Variants in DNAH8 observed in about 807,000 individuals in gnomAD.
DNAH8 encodes axonemal beta dynein heavy chain 8.
DNAH8 carries 382 observed loss-of-function variants against 562.1 expected under a neutral mutation model. The ratio of observed to expected loss-of-function variants is 0.68; its 90% CI spans 0.63 to 0.74. The LOEUF is 0.74. Among genes scored for constraint, DNAH8 ranks in the 30% least tolerant of loss-of-function variants. DNAH8 has a pLI of 0.00. For synonymous variants in DNAH8, 1,881 were observed against 1,919.4 expected, an observed-to-expected ratio of 0.98 and a Z score of 0.52; for missense variants, 5,203 against 5,620.4, an observed-to-expected ratio of 0.93 and a Z score of 2.37.
rs1194079435 is a variant in DNAH8, at chr6:38,722,829, A to C, written c.20A>C (p.Asp7Ala). 5 of 1,596,142 alleles carry C rather than the reference A, an allele frequency of 3.1e-6. No individual in the cohort carries two copies. Among genetic ancestry groups the C allele is most frequent in the Middle Eastern group, 1.7e-4 (1 of 5,928 alleles). Residue 7 changes from aspartate to alanine, a missense_variant, in exon 2 of 93, where the codon GAT (aspartate) becomes GCT (alanine). Physicochemically the swap from Asp to Ala is moderately radical, Grantham distance 126. Transcript: ENST00000327475. ...CGGGGGATGGAGAAGGATGCTGAAGATGGCGCCCCTTCTGAGGGAGCAGAG... is the reference window on the plus strand; with the variant it reads ...CGGGGGATGGAGAAGGATGCTGAAGCTGGCGCCCCTTCTGAGGGAGCAGAG... MEKDAEDGAPSEGAEAP... is the reference protein window; with the variant it reads MEKDAEAGAPSEGAEAP...
chr6:38,876,359 GC>G (rs11334555), intron 53 of DNAH8, among the ~76,000 whole-genome samples: 65,913 of 152,014 alleles, frequency 0.43, 15,215 homozygotes, highest in East Asian at 0.84. Context: ...CAGAGCCCAG[GC>G]CCTGATTCTT....
chr6:38,793,725 T>C (rs1769972427), intron 21 of DNAH8, among the ~76,000 whole-genome samples: 2 of 152,190 alleles, frequency 1.3e-5, no homozygotes, highest in Admixed American at 1.3e-4. Context: ...TGTTATTTTA[T>C]ATTCTTTTTC....
At chr6:38,983,037 AGG>A (rs1764139216) in intron 86 of DNAH8, among the ~76,000 whole-genome samples, 1 of 152,244 alleles carries the variant, frequency 6.6e-6, no homozygotes, top group African/African-American at 2.4e-5. Context: ...GGTAACAGAC[AGG>A]AGAGACTAAG....
chr6:38,938,779 T>G lies in DNAH8; in HGVS notation c.11817-19T>G. 1.3e-6 allele frequency: 2 copies of G among 1,561,928 alleles called. No homozygotes were observed. The highest frequency in any genetic ancestry group is 1.7e-6 in the Non-Finnish European group (2 of 1,149,628). On this transcript the variant is annotated intron_variant, in intron 78 of 92. Coordinates refer to ENST00000327475, the MANE Select transcript of DNAH8 (RefSeq NM_001206927.2). ...AAGAAATTGCCCTTTGCTTCTTTGA[T>G]TCTTAAAATGTGTTTCAGATCTGAA...
In DNAH8 at chr6:38,855,547, G is replaced by A. The variant is rs374306988; in HGVS notation, c.5734-1971G>A. ...TATAACAATTGTACATATTTATGGG[G>A]TGCATAGTGATGTTTTGATGTGTAT... is the stretch of plus-strand genomic sequence containing the variant. On this transcript the variant is annotated intron_variant, in intron 41 of 92. Transcript: ENST00000327475. Among the ~76,000 whole-genome samples, 17 of 152,044 alleles carry A rather than the reference G, an allele frequency of 1.1e-4. No homozygotes were observed. The South Asian group carries it at 3.5e-3, about 32-fold the overall frequency.
At chr6:38,839,771 G>A (rs956018424) in intron 33 of DNAH8, among the ~76,000 whole-genome samples, 5 of 151,612 alleles carry the variant, frequency 3.3e-5, no homozygotes, top group African/African-American at 7.3e-5. Flanking sequence ...CAAGTGATTC[G>A]CCTGCCTCGG....
intron 52 of DNAH8, among the ~76,000 whole-genome samples, chr6:38,875,367 C>G (rs1325964288): frequency 2.0e-5 from 3 of 152,124 alleles, no homozygotes; most frequent in African/African-American, 7.2e-5. Flanking sequence ...ACCACAGGAG[C>G]AGATTTTCAG....
At chr6:38,762,711 C>T (rs1163135374) in intron 11 of DNAH8, among the ~76,000 whole-genome samples, 1 of 152,212 alleles carries the variant, frequency 6.6e-6, no homozygotes, top group Non-Finnish European at 1.5e-5. Flanking sequence ...GGTTATTGGT[C>T]ATCTCTGTGT....
intron 72 of DNAH8, among the ~76,000 whole-genome samples, chr6:38,923,750 A>G (rs1013710580): frequency 6.6e-6 from 1 of 152,160 alleles, no homozygotes; most frequent in Non-Finnish European, 1.5e-5. Context: ...AAGGCTCACG[A>G]CCTGTAGGCT....
At chr6:38,776,085 A>G in intron 13 of DNAH8, 134 bp downstream of exon 13, 1 of 650,280 alleles carries the variant, frequency 1.5e-6, no homozygotes, top group Non-Finnish European at 2.7e-6. Context: ...CACATTGACC[A>G]AACATATTTG....
In DNAH8 at chr6:38,790,406, G is replaced by T; in HGVS notation, c.2781+1G>T. 7.0e-7 allele frequency: 1 copy of T among 1,419,890 alleles called. No homozygotes were observed. Among genetic ancestry groups the T allele is most frequent in the Non-Finnish European group, 9.9e-7 (1 of 1,014,980 alleles). The allele number at this position is 1,419,890 out of a possible 1,614,324, so 88.0% of individuals were successfully genotyped here. On this transcript the variant is annotated splice_donor_variant, in intron 20 of 92. Transcript: ENST00000327475. LOFTEE classifies it high-confidence loss of function. ...TATGTTCAATCAACTTTTAAAGAAGGTATGATCTATACATTTAAAAAGCTA... is the reference window on the plus strand; with the variant it reads ...TATGTTCAATCAACTTTTAAAGAAGTTATGATCTATACATTTAAAAAGCTA...
At chr6:38,927,836 A>T (rs1221645101) in intron 74 of DNAH8, among the ~76,000 whole-genome samples, 1 of 152,196 alleles carries the variant, frequency 6.6e-6, no homozygotes, top group Non-Finnish European at 1.5e-5. Flanking sequence ...CAGTCCCAGG[A>T]ACCTTCTTGT....
intron 4 of DNAH8, among the ~76,000 whole-genome samples, chr6:38,733,765 G>T (rs922440512): frequency 6.6e-6 from 1 of 151,740 alleles, no homozygotes; most frequent in Non-Finnish European, 1.5e-5. Context: ...ACAAGAATTA[G>T]CCAGGCATGA....
At chr6:38,895,185 T>C in intron 59 of DNAH8, among the ~76,000 whole-genome samples, 1 of 152,068 alleles carries the variant, frequency 6.6e-6, no homozygotes, top group East Asian at 1.9e-4. Flanking sequence ...GAGATCCTCC[T>C]GTCTCAGTCT....
chr6:38,961,220 A>G (rs1762585562), intron 82 of DNAH8, among the ~76,000 whole-genome samples: 1 of 152,024 alleles, frequency 6.6e-6, no homozygotes, highest in East Asian at 1.9e-4. Flanking sequence ...GTTCTAGTGC[A>G]CAGTAAAGTG....
At chr6:38,761,430 C>G (rs1376871384) in intron 10 of DNAH8, among the ~76,000 whole-genome samples, 2 of 148,776 alleles carry the variant, frequency 1.3e-5, no homozygotes, top group African/African-American at 4.9e-5. Context: ...ATTCCAATTT[C>G]AAGTTCTCTA....
chr6:38,877,329 G>A (rs902816846), intron 53 of DNAH8, among the ~76,000 whole-genome samples: 2 of 152,190 alleles, frequency 1.3e-5, no homozygotes, highest in African/African-American at 4.8e-5. Flanking sequence ...ATTTCTTAAA[G>A]AGCAGTCCAG....
At chr6:38,759,603 GC>G (rs1179644954) in intron 10 of DNAH8, among the ~76,000 whole-genome samples, 2 of 152,016 alleles carry the variant, frequency 1.3e-5, no homozygotes, top group Admixed American at 1.3e-4. Flanking sequence ...CTTCTGGTAG[GC>G]CCACCTTTGC....
intron 26 of DNAH8, among the ~76,000 whole-genome samples, chr6:38,821,213 C>A (rs1772802756): frequency 6.6e-6 from 1 of 151,980 alleles, no homozygotes; most frequent in Non-Finnish European, 1.5e-5. Context: ...TAGCAATGAA[C>A]CATCTGAAAA....
Sources: allele counts gnomAD v4.1 joint callset (sites outside exome capture counted in the v4.1 genomes callset), GRCh38; gene constraint gnomAD v4.1.1; transcripts MANE v1.5; gene names NCBI Gene and HGNC (gene_info 2026-07-23, HGNC 2026-07-21).